Variants in SNX29 observed in about 807,000 individuals in gnomAD.
SNX29 encodes sorting nexin 29, also known as sorting nexin-29.
Under a neutral mutation model 102.1 loss-of-function variants are expected in SNX29, and 78 were observed. The observed-to-expected ratio is 0.76, with a 90% confidence interval of 0.64 to 0.92. The LOEUF (loss-of-function observed/expected upper bound fraction) is 0.92. SNX29 is among the 40% of genes least tolerant of loss of function. SNX29 has a pLI of 0.00. For missense variants in SNX29, 1,280 were observed against 1,061.7 expected (o/e 1.21, Z -2.86); for synonymous variants, 580 against 414.5 (o/e 1.40, Z -4.85).
chr16:12,528,317 C>T (rs774790754), intron 20 of SNX29, among the ~76,000 whole-genome samples: 2 of 152,152 alleles, frequency 1.3e-5, no homozygotes, highest in Non-Finnish European at 2.9e-5. Context: ...CCCGCCTCAG[C>T]CTCTGAGTAG....
At chr16:12,163,903 C>G (rs1483779960) in intron 13 of SNX29, among the ~76,000 whole-genome samples, 2 of 152,054 alleles carry the variant, frequency 1.3e-5, no homozygotes, top group East Asian at 1.9e-4. Flanking sequence ...TTTGGACATT[C>G]TACAGGAGTG....
intron 20 of SNX29, among the ~76,000 whole-genome samples, chr16:12,543,709 G>T (rs139639040): frequency 1.3e-5 from 2 of 152,208 alleles, no homozygotes; most frequent in Non-Finnish European, 1.5e-5. Context: ...TATTAACCAC[G>T]GGAATTAATG....
chr16:12,510,874 G>A (rs377567646), intron 19 of SNX29, among the ~76,000 whole-genome samples: 1 of 152,080 alleles, frequency 6.6e-6, no homozygotes, highest in Non-Finnish European at 1.5e-5. Context: ...CATCCAGCCT[G>A]TGCCAAGCAC....
chr16:12,520,574 A>G (rs62030403), intron 19 of SNX29, among the ~76,000 whole-genome samples: 44,797 of 152,062 alleles, frequency 0.29, 7,585 homozygotes, highest in East Asian at 0.71. Context: ...ATCAATGGAT[A>G]AAGAAAATAT....
intron 14 of SNX29, among the ~76,000 whole-genome samples, chr16:12,212,216 C>T (rs930310254): frequency 1.3e-5 from 2 of 152,110 alleles, no homozygotes; most frequent in Admixed American, 6.5e-5. Context: ...GCGCCATGTT[C>T]GCCTTTCCCC....
intron 15 of SNX29, among the ~76,000 whole-genome samples, chr16:12,340,652 G>A (rs1398721834): frequency 6.6e-6 from 1 of 152,224 alleles, no homozygotes; most frequent in Admixed American, 6.5e-5. Flanking sequence ...AGGTAGACAA[G>A]AGGCTAGAAC....
chr16:12,528,646 A>T (rs757300581), intron 20 of SNX29, among the ~76,000 whole-genome samples: 3 of 152,150 alleles, frequency 2.0e-5, no homozygotes, highest in Non-Finnish European at 4.4e-5. Flanking sequence ...TTGCCTGGTT[A>T]TGTCATACAT....
Position 12,051,954 on chromosome 16 carries a change from C to G in SNX29, c.856C>G (p.Pro286Ala), listed in dbSNP as rs553272103. Reference protein sequence around the residue: ...QNSGDVFKKTPGAGESSEDNS... With the variant: ...QNSGDVFKKTAGAGESSEDNS... ...CTCTGGGGACGTGTTTAAAAAGACA[C>G]CTGGGGCAGGGGAGAGCTCAGAGGA... Residue 286 changes from proline to alanine, a missense_variant, in exon 8 of 21, where the codon CCT (proline) becomes GCT (alanine). Pro to Ala is a conservative substitution (Grantham distance 27). Coordinates refer to ENST00000566228, the MANE Select transcript of SNX29 (RefSeq NM_032167.5). 1 of 1,613,600 alleles carries G rather than the reference C, an allele frequency of 6.2e-7. No homozygotes were observed. Among genetic ancestry groups the G allele is most frequent in the African/African-American group, 1.3e-5 (1 of 74,832 alleles).
chr16:12,321,882 G>A (rs189091096), intron 15 of SNX29, among the ~76,000 whole-genome samples: 16 of 152,308 alleles, frequency 1.1e-4, no homozygotes, highest in Admixed American at 2.0e-4. Context: ...TATCACAGCT[G>A]TGCCAGGGAG....
chr16:12,539,915 G>A (rs1452859854), intron 20 of SNX29, among the ~76,000 whole-genome samples: 5 of 152,164 alleles, frequency 3.3e-5, no homozygotes, highest in East Asian at 3.9e-4. Context: ...TTTGAGTTTT[G>A]GGAGTTCTTT....
chr16:12,208,537 C>T (rs1029744891), intron 14 of SNX29, among the ~76,000 whole-genome samples: 2 of 152,104 alleles, frequency 1.3e-5, no homozygotes, highest in Non-Finnish European at 2.9e-5. Flanking sequence ...CGCCTATAAC[C>T]CCAGCACTTT....
rs1322890019 is a variant in SNX29, at chr16:12,061,613, C to G, written c.1210C>G (p.Pro404Ala). Reference sequence around the variant, plus strand: ...GCACAATGACTCCGACATCCTCTTCCCTGTCAGTGGCGTGGGCTCCTACAG... The same window carrying G: ...GCACAATGACTCCGACATCCTCTTCGCTGTCAGTGGCGTGGGCTCCTACAG... ...VLHNDSDILFPVSGVGSYSPA... is the reference protein window; with the variant it reads ...VLHNDSDILFAVSGVGSYSPA... The change falls in exon 9 of 21, where the codon CCT (proline) becomes GCT (alanine). Residue 404 changes from proline (P) to alanine (A), a missense_variant. Pro to Ala is a conservative substitution (Grantham distance 27). Coordinates refer to ENST00000566228, the MANE Select transcript of SNX29 (RefSeq NM_032167.5). The G allele has an allele frequency of 1.9e-6, 3 of 1,612,138 alleles. No individual in the cohort carries two copies. Among genetic ancestry groups the G allele is most frequent in the South Asian group, 2.2e-5 (2 of 90,400 alleles).
chr16:12,205,083 G>T (rs1013641615), intron 14 of SNX29, among the ~76,000 whole-genome samples: 9 of 152,204 alleles, frequency 5.9e-5, no homozygotes, highest in Middle Eastern at 3.2e-3. Context: ...GGGCATTTTC[G>T]AAGGCTGATT....
At chr16:12,088,106 G>A (rs753496829) in intron 11 of SNX29, 29 of 456,566 alleles carry the variant, frequency 6.4e-5, no homozygotes, top group Admixed American at 2.6e-4. Context: ...AGGTCCTGCC[G>A]TGGGTGTCTG....
intron 19 of SNX29, among the ~76,000 whole-genome samples, chr16:12,491,992 G>C (rs62028457): frequency 6.6e-6 from 1 of 152,090 alleles, no homozygotes; most frequent in South Asian, 2.1e-4. Context: ...ATAAACATAC[G>C]TGTGCGTGTG....
At chr16:12,472,453 AG>A (rs1567599188) in intron 18 of SNX29, among the ~76,000 whole-genome samples, 1 of 141,036 alleles carries the variant, frequency 7.1e-6, no homozygotes, top group Non-Finnish European at 1.5e-5. Context: ...TGGGAGGTGG[AG>A]GTTGCAGTGA....
At chr16:12,518,553 C>T (rs949233756) in intron 19 of SNX29, among the ~76,000 whole-genome samples, 1 of 152,210 alleles carries the variant, frequency 6.6e-6, no homozygotes, top group South Asian at 2.1e-4. Flanking sequence ...GTGACACGCT[C>T]TCTCCAGCCC....
intron 20 of SNX29, among the ~76,000 whole-genome samples, chr16:12,552,924 C>G (rs1389477380): frequency 6.6e-6 from 1 of 152,220 alleles, no homozygotes; most frequent in Non-Finnish European, 1.5e-5. Flanking sequence ...GAGCTGATTG[C>G]TCCTGGCCTT....
At chr16:12,184,907 T>C (rs936981657) in intron 13 of SNX29, among the ~76,000 whole-genome samples, 2 of 152,232 alleles carry the variant, frequency 1.3e-5, no homozygotes, top group Non-Finnish European at 2.9e-5. Context: ...ATCATTGTGT[T>C]TCCTCAGAAA....
Sources: allele counts gnomAD v4.1 joint callset (sites outside exome capture counted in the v4.1 genomes callset), GRCh38; gene constraint gnomAD v4.1.1; transcripts MANE v1.5; gene names NCBI Gene and HGNC (gene_info 2026-07-23, HGNC 2026-07-21).